The following DMD variants were observed in gnomAD, a reference collection of about 807,000 sequenced individuals.
DMD encodes the protein mutant dystrophin.
DMD carries 63 observed loss-of-function variants against 330.1 expected under a neutral mutation model. The ratio of observed to expected loss-of-function variants is 0.19; its 90% CI spans 0.16 to 0.24. DMD has a LOEUF of 0.24. DMD is among the 10% of genes least tolerant of loss of function. DMD has a pLI of 1.00. For synonymous variants in DMD, 1,223 were observed against 959.8 expected (o/e 1.27, Z -5.07); for missense variants, 3,344 against 2,684.1 (o/e 1.25, Z -5.43).
At chrX:31,189,892 C>G (rs2042152285) in intron 67 of DMD, among the ~76,000 whole-genome samples, 1 of 112,632 alleles carries the variant, frequency 8.9e-6, no homozygotes, top group African/African-American at 3.2e-5. Context: ...TCCAAAATTT[C>G]CTTTATCGAT....
chrX:31,779,943 G>T (rs766939039), intron 50 of DMD, among the ~76,000 whole-genome samples: 15 of 111,699 alleles, frequency 1.3e-4, no homozygotes, highest in Non-Finnish European at 2.6e-4. Context: ...AATAACAGTA[G>T]GTGTAATATA....
intron 1 of DMD, among the ~76,000 whole-genome samples, chrX:33,137,879 GAT>G (rs1203025485): frequency 9.0e-6 from 1 of 111,705 alleles, no homozygotes; most frequent in Non-Finnish European, 1.9e-5. Context: ...TAATGAATGT[GAT>G]ATGTTACATT....
intron 1 of DMD, among the ~76,000 whole-genome samples, chrX:33,272,664 G>GAA (rs113135101): frequency 1.2e-5 from 1 of 84,633 alleles, no homozygotes; most frequent in African/African-American, 3.9e-5. Flanking sequence ...ACATCAAAAT[G>GAA]AAAAAAAAAA....
intron 62 of DMD, among the ~76,000 whole-genome samples, chrX:31,273,182 G>T (rs1376822595): frequency 4.5e-5 from 5 of 111,618 alleles, no homozygotes; most frequent in African/African-American, 1.6e-4. Context: ...AGTTCTTAGA[G>T]TGATTTACTC....
chrX:32,727,383 G>C (rs1337437457), intron 7 of DMD, among the ~76,000 whole-genome samples: 1 of 110,936 alleles, frequency 9.0e-6, no homozygotes, highest in East Asian at 2.8e-4. Flanking sequence ...CGAGACCATT[G>C]AGTTTATAAC....
chrX:32,720,407 G>GT (rs945743344), intron 7 of DMD, among the ~76,000 whole-genome samples: 5 of 110,779 alleles, frequency 4.5e-5, no homozygotes, highest in African/African-American at 1.7e-4. Flanking sequence ...TTTTACAATC[G>GT]TTTTTTTACT....
intron 44 of DMD, among the ~76,000 whole-genome samples, chrX:32,076,423 A>C (rs776661980): frequency 1.0e-5 from 1 of 99,673 alleles, no homozygotes; most frequent in South Asian, 4.8e-4. Flanking sequence ...TCTGTCACCC[A>C]GGCTGGAGTG....
At chrX:32,045,678 G>A (rs2096059912) in intron 44 of DMD, among the ~76,000 whole-genome samples, 1 of 111,627 alleles carries the variant, frequency 9.0e-6, no homozygotes, top group Non-Finnish European at 1.9e-5. Context: ...TTAAGAAAAT[G>A]ATCTTTGCTT....
intron 57 of DMD, among the ~76,000 whole-genome samples, chrX:31,490,731 A>C (rs1403871262): frequency 1.8e-5 from 2 of 112,152 alleles, no homozygotes; most frequent in Non-Finnish European, 3.8e-5. Context: ...CTTTCTGTAA[A>C]AAGAAAACAC....
intron 9 of DMD, among the ~76,000 whole-genome samples, chrX:32,677,680 C>G (rs2062066014): frequency 9.0e-6 from 1 of 111,398 alleles, no homozygotes; most frequent in African/African-American, 3.3e-5. Flanking sequence ...TACATGTTTA[C>G]TTTGTGATCA....
intron 44 of DMD, among the ~76,000 whole-genome samples, chrX:32,214,214 C>T (rs2097103860): frequency 1.3e-5 from 1 of 78,822 alleles, no homozygotes; most frequent in Non-Finnish European, 2.4e-5. Flanking sequence ...CCTGAAACAC[C>T]TGAAACACTT....
intron 43 of DMD, among the ~76,000 whole-genome samples, chrX:32,220,995 C>T (rs1000864096): frequency 9.0e-6 from 1 of 111,098 alleles, no homozygotes; most frequent in Non-Finnish European, 1.9e-5. Flanking sequence ...ACCGTGCAAC[C>T]GGTATTTAAA....
intron 53 of DMD, among the ~76,000 whole-genome samples, chrX:31,668,938 A>C (rs954874426): frequency 8.9e-6 from 1 of 112,075 alleles, no homozygotes; most frequent in Non-Finnish European, 1.9e-5. Context: ...AAACAAAAGG[A>C]TATTCTTTAT....
At chrX:33,300,026 G>C (rs2053639321) in intron 1 of DMD, among the ~76,000 whole-genome samples, 2 of 111,912 alleles carry the variant, frequency 1.8e-5, no homozygotes, top group African/African-American at 6.5e-5. Flanking sequence ...AGAATCACTT[G>C]GTTGTGGTCA....
Position 32,859,461 on chromosome X carries a change from TCACACACACACACACACACA to T in DMD, c.94-9661_94-9642del, listed in dbSNP as rs35537635. Among the ~76,000 whole-genome samples, 720 of 86,041 alleles carry T rather than the reference TCACACACACACACACACACA, an allele frequency of 8.4e-3. 7 individuals carry two copies. Among genetic ancestry groups the T allele is most frequent in the African/African-American group, 0.026 (622 of 23,716 alleles). 74.7% of individuals were successfully genotyped at this position (86,041 alleles called of 115,157 possible). On this transcript the variant is annotated intron_variant, in intron 2 of 78. Transcript: ENST00000357033. Reference sequence around the variant, plus strand: ...CCGGCCTTTGTGACGAAGCAAGATCTCACACACACACACACACACACACACACACACACACACACACACAC... The same window carrying T: ...CCGGCCTTTGTGACGAAGCAAGATCTCACACACACACACACACACACACAC...
At chrX:31,272,954 TCTA>T (rs1286061236) in intron 62 of DMD, among the ~76,000 whole-genome samples, 46 of 112,291 alleles carry the variant, frequency 4.1e-4, no homozygotes, top group Non-Finnish European at 1.5e-4. Flanking sequence ...TAATGGACAG[TCTA>T]CTACAAGAGA....
intron 16 of DMD, among the ~76,000 whole-genome samples, chrX:32,551,111 G>A (rs757645862): frequency 3.6e-5 from 4 of 111,045 alleles, no homozygotes; most frequent in East Asian, 5.7e-4. Context: ...ATTGAGGAGC[G>A]GCTCCTTCCT....
At chrX:31,702,440 C>A (rs1306973739) in intron 52 of DMD, among the ~76,000 whole-genome samples, 1 of 111,975 alleles carries the variant, frequency 8.9e-6, no homozygotes, top group Non-Finnish European at 1.9e-5. Flanking sequence ...CACATCTGTT[C>A]CTCTACTTAG....
At chrX:31,439,546 T>C (rs550035798) in intron 60 of DMD, among the ~76,000 whole-genome samples, 2 of 112,266 alleles carry the variant, frequency 1.8e-5, no homozygotes, top group South Asian at 7.5e-4. Context: ...CTTTGACATA[T>C]GTAAAGAATC....
Sources: allele counts gnomAD v4.1 joint callset (sites outside exome capture counted in the v4.1 genomes callset), GRCh38; gene constraint gnomAD v4.1.1; transcripts MANE v1.5; gene names NCBI Gene and HGNC (gene_info 2026-07-23, HGNC 2026-07-21).